The following CDH13 variants were observed in gnomAD, a reference collection of about 807,000 sequenced individuals.
The protein encoded by CDH13 is cadherin-13.
Under a neutral mutation model 63.8 loss-of-function variants are expected in CDH13, and 24 were observed. The observed-to-expected ratio is 0.38, with a 90% confidence interval of 0.27 to 0.53. The LOEUF (loss-of-function observed/expected upper bound fraction) is 0.53, where lower values mean the gene tolerates loss of function less well. CDH13 is among the 20% of genes least tolerant of loss of function. The pLI is 0.85. For synonymous variants in CDH13, 503 were observed against 355.3 expected (o/e 1.42, Z -4.67); for missense variants, 1,049 against 903.1 (o/e 1.16, Z -2.07).
intron 1 of CDH13, among the ~76,000 whole-genome samples, chr16:82,754,463 C>G (rs1021970816): frequency 1.3e-5 from 2 of 152,114 alleles, no homozygotes; most frequent in African/African-American, 4.8e-5. Flanking sequence ...GCCTTTCTAA[C>G]CAGCTTCCTA....
chr16:83,683,590 A>C (rs1915577283), intron 10 of CDH13, among the ~76,000 whole-genome samples: 1 of 152,216 alleles, frequency 6.6e-6, no homozygotes. Context: ...ATTCCATTAC[A>C]GGGATATACT....
chr16:82,865,764 C>A (rs370707940), intron 2 of CDH13, among the ~76,000 whole-genome samples: 1 of 152,198 alleles, frequency 6.6e-6, no homozygotes, highest in African/African-American at 2.4e-5. Flanking sequence ...CTTTTTATTT[C>A]TGCAAATTTC....
chr16:82,999,385 C>G (rs1028452599), intron 2 of CDH13, among the ~76,000 whole-genome samples: 1 of 152,116 alleles, frequency 6.6e-6, no homozygotes, highest in Non-Finnish European at 1.5e-5. Flanking sequence ...TAAGAGAATA[C>G]CACTTGTTCT....
intron 6 of CDH13, among the ~76,000 whole-genome samples, chr16:83,469,064 T>C (rs1386607118): frequency 1.3e-5 from 2 of 152,202 alleles, no homozygotes; most frequent in Non-Finnish European, 2.9e-5. Context: ...GTCAGACTTT[T>C]AGATGGCAAT....
At chr16:82,884,319 C>T in intron 2 of CDH13, 1 of 420,312 alleles carries the variant, frequency 2.4e-6, no homozygotes, top group Non-Finnish European at 4.7e-6. Flanking sequence ...AAGGAGGCAA[C>T]CTGGGGAGGG....
At chr16:82,761,164 C>T (rs117475881) in intron 1 of CDH13, among the ~76,000 whole-genome samples, 6,153 of 151,208 alleles carry the variant, frequency 0.041, 182 homozygotes, top group Non-Finnish European at 0.059. Flanking sequence ...ACTGGGAGTA[C>T]AGGCATGTGC....
At position 83,014,319 on chromosome 16, in the gene CDH13, TAAAAAA is replaced by T. The variant is rs34322579; in HGVS notation, c.158-17672_158-17667del. ...AGACAACTCTTAGAGCCCAAATCGA[TAAAAAA>T]AAAAAAAAAAAAAAAAAACTTAGCA... On this transcript the variant is annotated intron_variant, in intron 2 of 13. Coordinates refer to ENST00000567109, the MANE Select transcript of CDH13 (RefSeq NM_001257.5). Among the ~76,000 whole-genome samples the T allele has an allele frequency of 4.1e-3, 279 of 67,716 alleles. 1 individual carries two copies. The Middle Eastern group carries it at 0.046, about 11-fold the overall frequency. The allele number at this position is 67,716 out of a possible 152,430, so 44.4% of individuals were successfully genotyped here.
Position 83,088,667 on chromosome 16 carries a change from C to T in CDH13, c.367-36718C>T, listed in dbSNP as rs555461043. Among the ~76,000 whole-genome samples the T allele has an allele frequency of 3.3e-5, 5 of 152,246 alleles. No individual in the cohort carries two copies. In the South Asian group the frequency reaches 8.3e-4, roughly 25 times the overall value. On this transcript the variant is annotated intron_variant, in intron 3 of 13. Transcript: ENST00000567109. ...ATTCTTCATATAATCAGAACTTTTC[C>T]AAAAACATGGGATCTTTTACATGGC...
chr16:82,800,924 G>A (rs1284844138), intron 1 of CDH13, among the ~76,000 whole-genome samples: 9 of 151,688 alleles, frequency 5.9e-5, no homozygotes, highest in East Asian at 1.9e-4. Flanking sequence ...TCCTCCTTTC[G>A]ACTCCATTTG....
At chr16:83,114,404 G>T (rs1333115366) in intron 3 of CDH13, among the ~76,000 whole-genome samples, 1 of 152,130 alleles carries the variant, frequency 6.6e-6, no homozygotes, top group Non-Finnish European at 1.5e-5. Flanking sequence ...GTATGGGGGT[G>T]CTTGATAAGC....
At chr16:83,625,827 G>C (rs961679177) in intron 8 of CDH13, among the ~76,000 whole-genome samples, 2 of 152,122 alleles carry the variant, frequency 1.3e-5, no homozygotes, top group African/African-American at 4.8e-5. Flanking sequence ...ATCCACAAAA[G>C]CAAGGTCGGC....
At chr16:82,823,143 T>C (rs1042848719) in intron 1 of CDH13, 1 of 152,252 alleles carries the variant, frequency 6.6e-6, no homozygotes, top group Non-Finnish European at 1.5e-5. Context: ...CAAGCTGTAC[T>C]ACCTTTTATG....
intron 8 of CDH13, among the ~76,000 whole-genome samples, chr16:83,616,252 A>G (rs1377734148): frequency 6.6e-6 from 1 of 152,224 alleles, no homozygotes; most frequent in East Asian, 1.9e-4. Context: ...TGGATTTTTA[A>G]GTGAAAAAAT....
chr16:83,729,169 G>A (rs1170191774), intron 10 of CDH13, among the ~76,000 whole-genome samples: 7 of 152,046 alleles, frequency 4.6e-5, no homozygotes, highest in Non-Finnish European at 4.4e-5. Context: ...ATCCGAATTT[G>A]GGGGGAACAG....
intron 4 of CDH13, among the ~76,000 whole-genome samples, chr16:83,142,328 G>C (rs2036570807): frequency 6.6e-6 from 1 of 151,896 alleles, no homozygotes. Context: ...ACCTGGCTAA[G>C]TTTTTTATTT....
chr16:83,714,190 A>T (rs1260408252), intron 10 of CDH13, among the ~76,000 whole-genome samples: 1 of 152,248 alleles, frequency 6.6e-6, no homozygotes, highest in African/African-American at 2.4e-5. Context: ...ATCACACGAT[A>T]GTAAATGGCA....
intron 5 of CDH13, among the ~76,000 whole-genome samples, chr16:83,274,028 G>A (rs1319782589): frequency 6.6e-6 from 1 of 152,140 alleles, no homozygotes; most frequent in Non-Finnish European, 1.5e-5. Context: ...CCACTTACCT[G>A]GGGTTAAGCT....
chr16:82,667,594 G>A (rs1366027206), intron 1 of CDH13, among the ~76,000 whole-genome samples: 1 of 152,198 alleles, frequency 6.6e-6, no homozygotes, highest in African/African-American at 2.4e-5. Flanking sequence ...TCAGTTCAGA[G>A]AGGAGTTGTC....
chr16:82,824,644 C>T (rs866833964), intron 1 of CDH13: 4 of 152,104 alleles, frequency 2.6e-5, no homozygotes, highest in Admixed American at 6.5e-5. Flanking sequence ...TTAAATGACA[C>T]CACAGAGATG....
Sources: allele counts gnomAD v4.1 joint callset (sites outside exome capture counted in the v4.1 genomes callset), GRCh38; gene constraint gnomAD v4.1.1; transcripts MANE v1.5; gene names NCBI Gene and HGNC (gene_info 2026-07-23, HGNC 2026-07-21).